RAB11FIP4: variants seen among roughly 807,000 people sequenced by gnomAD.
The protein encoded by RAB11FIP4 is RAB11 family interacting protein 4, also known as rab11 family-interacting protein 4.
Under a neutral mutation model 74.3 loss-of-function variants are expected in RAB11FIP4, and 23 were observed. That is an observed-to-expected ratio of 0.31 (90% confidence interval 0.22 to 0.44). RAB11FIP4 has a LOEUF of 0.44. Ranked by LOEUF, RAB11FIP4 falls within the 20% of genes least tolerant of loss-of-function variation. The pLI is 1.00. For synonymous variants in RAB11FIP4, 360 were observed against 359.9 expected (o/e 1.00, Z 0.00); for missense variants, 630 against 863.9 (o/e 0.73, Z 3.39).
chr17:31,447,191 G>A (rs1410266321), intron 3 of RAB11FIP4, among the ~76,000 whole-genome samples: 2 of 152,234 alleles, frequency 1.3e-5, no homozygotes, highest in African/African-American at 2.4e-5. Flanking sequence ...GGCTGAGGCA[G>A]GAGAATGGCG....
intron 1 of RAB11FIP4, among the ~76,000 whole-genome samples, chr17:31,406,358 G>A (rs2071041599): frequency 6.6e-6 from 1 of 152,210 alleles, no homozygotes; most frequent in South Asian, 2.1e-4. Flanking sequence ...GCACGTCCTA[G>A]ACACTGTGTG....
In RAB11FIP4 at chr17:31,524,419, C is replaced by T. The variant is rs1403477062; in HGVS notation, c.1133+423C>T. On this transcript the variant is annotated intron_variant, in intron 9 of 14. Coordinates refer to ENST00000621161, the MANE Select transcript of RAB11FIP4 (RefSeq NM_032932.6). Reference sequence around the variant, plus strand: ...TGGAGGTCCCCTGAGCCTGCCGTTCCTGATGCTGTCTGCAGTGGTGGATTC... The same window carrying T: ...TGGAGGTCCCCTGAGCCTGCCGTTCTTGATGCTGTCTGCAGTGGTGGATTC... The T allele has an allele frequency of 2.6e-5, 5 of 194,464 alleles. No homozygotes were observed. The East Asian group carries it at 6.6e-4, about 26-fold the overall frequency. 12.0% of individuals were successfully genotyped at this position (194,464 alleles called of 1,614,324 possible). A position where few individuals can be genotyped will look rare whatever the true frequency, so the allele number is the denominator to read the frequency against.
At position 31,525,229 on chromosome 17, in the gene RAB11FIP4, A is replaced by G; in HGVS notation, c.1273A>G (p.Arg425Gly). 1 of 1,545,068 alleles carries G rather than the reference A, an allele frequency of 6.5e-7. No individual in the cohort carries two copies. The highest frequency in any genetic ancestry group is 8.7e-7 in the Non-Finnish European group (1 of 1,145,058). Residue 425 changes from arginine to glycine, a missense_variant and splice_region_variant, in exon 10 of 15, where the codon AGG becomes GGG. Arg to Gly is a moderately radical substitution (Grantham distance 125, BLOSUM62 -2). Transcript: ENST00000621161. The stretch of plus-strand genomic sequence containing the variant: ...TACCGAGGTGGAGCTGCTCAATGCC[A>G]GGTGGGCCCCTCCACCGAGCCCCCT... ...KATEVELLNA[R>G]VQQLEEENTE...
rs147613600 is a variant in RAB11FIP4, at chr17:31,537,385, G to T, written c.*5653G>T. 2.5e-6 allele frequency: 1 copy of T among 395,908 alleles called. No individual in the cohort carries two copies. The highest frequency in any genetic ancestry group is 3.6e-5 in the East Asian group (1 of 27,942). 24.5% of individuals were successfully genotyped at this position (395,908 alleles called of 1,614,324 possible). The stretch of plus-strand genomic sequence containing the variant: ...AATCTTTCATTATTGTCTTAAGCAT[G>T]GGGGGCTAGGACCCACTTAGTCCCT... On this transcript the variant is annotated 3_prime_UTR_variant, in exon 15 of 15. Transcript: ENST00000621161.
rs1350596455 is a variant in RAB11FIP4, at chr17:31,536,275, G to C, written c.*4543G>C. ...TTTGGGAGGCCAAGGCAGGTGGATT[G>C]CCTGAGCTCAGGAGTTCGAGACCAG... On this transcript the variant is annotated 3_prime_UTR_variant, in exon 15 of 15. Transcript: ENST00000621161. 1 of 152,136 alleles carries C rather than the reference G, an allele frequency of 6.6e-6. No homozygotes were observed. The highest frequency in any genetic ancestry group is 1.5e-5 in the Non-Finnish European group (1 of 68,038). The allele number at this position is 152,136 out of a possible 1,614,324, so 9.4% of individuals were successfully genotyped here. A position where few individuals can be genotyped will look rare whatever the true frequency, so the allele number is the denominator to read the frequency against.
chr17:31,400,968 C>T (rs1051831084), intron 1 of RAB11FIP4, among the ~76,000 whole-genome samples: 1 of 151,986 alleles, frequency 6.6e-6, no homozygotes. Context: ...TGGTCTGGCC[C>T]CCTTTAAAAG....
At chr17:31,411,224 C>T (rs1002022676) in intron 1 of RAB11FIP4, among the ~76,000 whole-genome samples, 2 of 152,074 alleles carry the variant, frequency 1.3e-5, no homozygotes, top group African/African-American at 2.4e-5. Flanking sequence ...ATTAGCCAGG[C>T]GTGATGGCGG....
chr17:31,462,577 C>G (rs1288400872), intron 3 of RAB11FIP4, among the ~76,000 whole-genome samples: 2 of 152,152 alleles, frequency 1.3e-5, no homozygotes, highest in Non-Finnish European at 2.9e-5. Flanking sequence ...GCACCAGCCT[C>G]GGTCCGGACT....
At chr17:31,461,158 C>T (rs1427487078) in intron 3 of RAB11FIP4, among the ~76,000 whole-genome samples, 1 of 151,832 alleles carries the variant, frequency 6.6e-6, no homozygotes, top group Non-Finnish European at 1.5e-5. Context: ...ACCCTTATAG[C>T]CCCACCTGTC....
intron 1 of RAB11FIP4, chr17:31,392,236 A>G: frequency 2.9e-6 from 1 of 350,576 alleles, no homozygotes; most frequent in Non-Finnish European, 5.1e-6. Flanking sequence ...GTCACGCGTC[A>G]CGCCTAGGGT....
chr17:31,437,778 CT>C (rs1055851854), intron 3 of RAB11FIP4, among the ~76,000 whole-genome samples: 4 of 152,142 alleles, frequency 2.6e-5, no homozygotes, highest in African/African-American at 9.7e-5. Flanking sequence ...GCACCCTGCC[CT>C]TCTTGACCCC....
intron 3 of RAB11FIP4, among the ~76,000 whole-genome samples, chr17:31,476,558 T>A (rs2071795035): frequency 2.0e-5 from 3 of 152,196 alleles, no homozygotes; most frequent in African/African-American, 7.2e-5. Context: ...CAGGTAGTAA[T>A]AGCAGAGCTG....
chr17:31,517,459 T>C (rs2072578629), intron 3 of RAB11FIP4, among the ~76,000 whole-genome samples, 192 bp from the exon 4 acceptor site: 1 of 152,074 alleles, frequency 6.6e-6, no homozygotes, highest in South Asian at 2.1e-4. Context: ...TAGATGCTCA[T>C]GAGTCAGCCA....
At chr17:31,483,677 T>C (rs1255727742) in intron 3 of RAB11FIP4, among the ~76,000 whole-genome samples, 2 of 152,198 alleles carry the variant, frequency 1.3e-5, no homozygotes, top group Non-Finnish European at 2.9e-5. Flanking sequence ...TTAGCTCCAA[T>C]ACTATTTATG....
chr17:31,459,021 G>A (rs182841511), intron 3 of RAB11FIP4, among the ~76,000 whole-genome samples: 3 of 152,298 alleles, frequency 2.0e-5, no homozygotes, highest in Admixed American at 2.0e-4. Flanking sequence ...AAATTGTGCA[G>A]TACCCAACCT....
chr17:31,434,065 G>A lies in RAB11FIP4; in HGVS notation c.279G>A (p.Ser93=), dbSNP rs150978800. The A allele has an allele frequency of 1.6e-4, 250 of 1,587,110 alleles. No individual in the cohort carries two copies. The African/African-American group carries it at 2.5e-3, about 16-fold the overall frequency. The change falls in exon 3 of 15, where the codon TCG becomes TCA. Residue 93 remains serine, a synonymous_variant. Coordinates refer to ENST00000621161, the MANE Select transcript of RAB11FIP4 (RefSeq NM_032932.6). ...GCEELLKDVL[S]VESAGTLPCA... The stretch of plus-strand genomic sequence containing the variant: ...AGGAGCTGCTGAAGGATGTGCTGTC[G>A]GTGGAGAGCGCGGGGACGCTGCCGT...
chr17:31,444,202 C>G (rs2142690390), intron 3 of RAB11FIP4, among the ~76,000 whole-genome samples: 1 of 152,282 alleles, frequency 6.6e-6, no homozygotes, highest in Non-Finnish European at 1.5e-5. Context: ...CTTTTCCTGA[C>G]AAACAGCACT....
At chr17:31,424,381 C>T (rs1251308631) in intron 1 of RAB11FIP4, among the ~76,000 whole-genome samples, 3 of 152,160 alleles carry the variant, frequency 2.0e-5, no homozygotes, top group Non-Finnish European at 4.4e-5. Flanking sequence ...CCTCAAGCCA[C>T]ATCTGAGATG....
Position 31,537,055 on chromosome 17 carries a change from C to T in RAB11FIP4, c.*5323C>T. ...AAGTGCTGTTGTCCCCAGGGTGACC[C>T]TGCCTCCTGCTGGGGCCCATCCGCT... On this transcript the variant is annotated 3_prime_UTR_variant, in exon 15 of 15. Transcript: ENST00000621161. 2.5e-6 allele frequency: 1 copy of T among 399,378 alleles called. No homozygotes were observed. Among genetic ancestry groups the T allele is most frequent in the Non-Finnish European group, 4.4e-6 (1 of 226,230 alleles). 24.7% of individuals were successfully genotyped at this position (399,378 alleles called of 1,614,324 possible). A position where few individuals can be genotyped will look rare whatever the true frequency, so the allele number is the denominator to read the frequency against.
Sources: allele counts gnomAD v4.1 joint callset (sites outside exome capture counted in the v4.1 genomes callset), GRCh38; gene constraint gnomAD v4.1.1; transcripts MANE v1.5; gene names NCBI Gene and HGNC (gene_info 2026-07-23, HGNC 2026-07-21).